PPP3CC: variants seen among roughly 807,000 people sequenced by gnomAD.
The protein encoded by PPP3CC is serine/threonine-protein phosphatase 2B catalytic subunit gamma isoform.
A neutral mutation model predicts 60.3 loss-of-function variants in PPP3CC; 35 were observed. The observed-to-expected ratio is 0.58, with a 90% confidence interval of 0.44 to 0.77. The LOEUF (loss-of-function observed/expected upper bound fraction) is 0.77. PPP3CC is among the 30% of genes least tolerant of loss of function. The pLI, the probability that PPP3CC is intolerant of heterozygous loss-of-function variation, is 0.00. For missense variants in PPP3CC, 570 were observed against 628.9 expected, an observed-to-expected ratio of 0.91 and a Z score of 1.00; for synonymous variants, 206 against 224.3, an observed-to-expected ratio of 0.92 and a Z score of 0.73.
chr8:22,540,157 A>G (rs1239807178), intron 13 of PPP3CC, among the ~76,000 whole-genome samples: 1 of 152,190 alleles, frequency 6.6e-6, no homozygotes, highest in African/African-American at 2.4e-5. Flanking sequence ...GTCCTAAACG[A>G]AAAGATTAGC....
intron 1 of PPP3CC, among the ~76,000 whole-genome samples, chr8:22,452,047 A>G (rs886515113): frequency 2.1e-5 from 3 of 143,160 alleles, no homozygotes; most frequent in African/African-American, 7.8e-5. Flanking sequence ...AGTTTTAGAG[A>G]TAAGGCCTCA....
chr8:22,482,445 G>C (rs1210140168), intron 3 of PPP3CC, among the ~76,000 whole-genome samples: 1 of 152,140 alleles, frequency 6.6e-6, no homozygotes, highest in East Asian at 1.9e-4. Flanking sequence ...CCCTTTGTCA[G>C]ATGGATAGAT....
intron 6 of PPP3CC, among the ~76,000 whole-genome samples, chr8:22,517,623 C>T (rs1028608338): frequency 2.0e-5 from 3 of 152,106 alleles, no homozygotes; most frequent in Non-Finnish European, 4.4e-5. Context: ...TCCATTTCTT[C>T]TGGGTTTTCC....
chr8:22,492,793 T>G lies in PPP3CC; in HGVS notation c.373-5208T>G, dbSNP rs900563801. The G allele has an allele frequency of 6.0e-6, 6 of 999,516 alleles. No homozygotes were observed. The African/African-American group carries it at 9.5e-5, about 16-fold the overall frequency. 61.9% of individuals were successfully genotyped at this position (999,516 alleles called of 1,614,324 possible). ...TAGAGGTAAACAATGTCTCTGGTAT[T>G]GAAGAGGTGAATATGTTTACAAACC... On this transcript the variant is annotated intron_variant, in intron 3 of 13. Transcript: ENST00000240139.
Position 22,474,993 on chromosome 8 carries a change from A to T in PPP3CC, c.89A>T (p.Glu30Val), listed in dbSNP as rs766657020. The change falls in exon 2 of 14, where the codon GAA (glutamate) becomes GTA (valine). Residue 30 changes from glutamate (E) to valine (V), a missense_variant. Transcript: ENST00000240139. ...FPPTQRLTFK[E>V]VFENGKPKVD... ...CCAACCCAACGGCTTACTTTCAAGGAAGTATTTGAGAATGGGAAACCTAAA... is the reference window on the plus strand; with the variant it reads ...CCAACCCAACGGCTTACTTTCAAGGTAGTATTTGAGAATGGGAAACCTAAA... 2 of 1,608,500 alleles carry T rather than the reference A, an allele frequency of 1.2e-6. No homozygotes were observed. The highest frequency in any genetic ancestry group is 1.7e-6 in the Non-Finnish European group (2 of 1,176,676).
At chr8:22,481,441 A>G (rs1265513178) in intron 3 of PPP3CC, among the ~76,000 whole-genome samples, 2 of 151,178 alleles carry the variant, frequency 1.3e-5, no homozygotes, top group Non-Finnish European at 2.9e-5. Flanking sequence ...AGTTACATGG[A>G]TGTAAAAACG....
intron 9 of PPP3CC, 118 bp downstream of exon 9, chr8:22,527,635 ATT>A (rs373674026): frequency 7.4e-3 from 6,750 of 909,402 alleles, no homozygotes; most frequent in South Asian, 0.011. Context: ...CTCTACATAG[ATT>A]TTTTTTTTTT....
chr8:22,447,891 G>A (rs527255651), intron 1 of PPP3CC, among the ~76,000 whole-genome samples: 1 of 152,276 alleles, frequency 6.6e-6, no homozygotes, highest in East Asian at 1.9e-4. Context: ...GGCACAGAAA[G>A]ATATACTGGA....
chr8:22,446,897 A>C (rs554199560), intron 1 of PPP3CC, among the ~76,000 whole-genome samples: 1 of 150,272 alleles, frequency 6.7e-6, no homozygotes, highest in Non-Finnish European at 1.5e-5. Flanking sequence ...ATTTGTAGTC[A>C]TTTTGGAACT....
chr8:22,476,646 A>G (rs996883254), intron 3 of PPP3CC, among the ~76,000 whole-genome samples: 3 of 152,176 alleles, frequency 2.0e-5, no homozygotes, highest in African/African-American at 7.2e-5. Context: ...GAAAAGTTCA[A>G]TGTTGGCCAG....
At chr8:22,540,566 C>G in intron 13 of PPP3CC, 49 bp from the exon 14 acceptor site, 1 of 1,551,640 alleles carries the variant, frequency 6.4e-7, no homozygotes, top group Non-Finnish European at 8.8e-7. Flanking sequence ...AAGCCTGTTG[C>G]TTTGCTGCCT....
intron 12 of PPP3CC, among the ~76,000 whole-genome samples, chr8:22,533,779 C>T (rs1008139534): frequency 2.0e-5 from 3 of 152,128 alleles, no homozygotes; most frequent in East Asian, 3.9e-4. Flanking sequence ...GAACCGAGAT[C>T]GCGCCACTGC....
In PPP3CC at chr8:22,465,367, C is replaced by G. The variant is rs111566344; in HGVS notation, c.50-9587C>G. Among the ~76,000 whole-genome samples, 673 of 152,170 alleles carry G rather than the reference C, an allele frequency of 4.4e-3. 5 individuals are homozygous for G. The highest frequency in any genetic ancestry group is 0.015 in the African/African-American group (608 of 41,510). On this transcript the variant is annotated intron_variant, in intron 1 of 13. Coordinates refer to ENST00000240139, the MANE Select transcript of PPP3CC (RefSeq NM_005605.5). ...CTGGGTGATGGGTATACTAGAAGCC[C>G]AAACTTTACCATTATGCAGTATATC...
chr8:22,506,172 G>A (rs751956031), intron 4 of PPP3CC, among the ~76,000 whole-genome samples: 6 of 151,762 alleles, frequency 4.0e-5, no homozygotes, highest in East Asian at 1.9e-4. Context: ...ACTGTGGCAC[G>A]TGCCTGTAAT....
intron 3 of PPP3CC, 179 bp downstream of exon 3, chr8:22,475,803 C>T: frequency 1.6e-6 from 1 of 624,322 alleles, no homozygotes; most frequent in Non-Finnish European, 2.5e-6. Flanking sequence ...TTTTTTAAAA[C>T]CAGTCGAAAA....
intron 1 of PPP3CC, among the ~76,000 whole-genome samples, chr8:22,468,212 C>T (rs780506058): frequency 3.9e-5 from 6 of 152,048 alleles, no homozygotes; most frequent in Non-Finnish European, 5.9e-5. Context: ...CAAGTGACTA[C>T]CCTGTCTCAG....
chr8:22,539,612 G>A (rs1173239776), intron 13 of PPP3CC, 114 bp downstream of exon 13: 1 of 1,090,836 alleles, frequency 9.2e-7, no homozygotes, highest in Non-Finnish European at 1.3e-6. Flanking sequence ...ATAACAGTGA[G>A]AAAAGGTATA....
chr8:22,467,505 C>T (rs1230651789), intron 1 of PPP3CC, among the ~76,000 whole-genome samples: 6 of 152,084 alleles, frequency 3.9e-5, no homozygotes, highest in East Asian at 1.9e-4. Flanking sequence ...TTCAGTGGTG[C>T]GATCTCAGCT....
chr8:22,475,645 G>A (rs1415761385), intron 3 of PPP3CC, 21 bp downstream of exon 3: 3 of 1,599,188 alleles, frequency 1.9e-6, no homozygotes, highest in Non-Finnish European at 2.6e-6. Context: ...AACTGGATAT[G>A]TTGGGACTAT....
Sources: gnomAD v4.1 joint callset for allele counts (sites outside exome capture counted in the v4.1 genomes callset) on GRCh38, gnomAD v4.1.1 for gene constraint, MANE v1.5 for transcripts, NCBI Gene and HGNC (gene_info 2026-07-23, HGNC 2026-07-21) for gene names.